Variants in DMRT1 observed in about 807,000 individuals in gnomAD.
The protein encoded by DMRT1 is doublesex and mab-3 related transcription factor 1.
DMRT1 carries 7 observed loss-of-function variants against 32.3 expected under a neutral mutation model. The observed-to-expected ratio is 0.22, with a 90% CI of 0.12 to 0.41. DMRT1 has a LOEUF of 0.41. Ranked by LOEUF, DMRT1 falls within the 10% of genes least tolerant of loss-of-function variation. The pLI is 1.00. For synonymous variants in DMRT1, 278 were observed against 206.1 expected (o/e 1.35, Z -2.99); for missense variants, 625 against 500.5 (o/e 1.25, Z -2.37).
At chr9:949,083 A>G (rs935044956) in intron 4 of DMRT1, among the ~76,000 whole-genome samples, 3 of 151,694 alleles carry the variant, frequency 2.0e-5, no homozygotes, top group Non-Finnish European at 4.4e-5. Context: ...ACAGAGTGAG[A>G]CTCCATCTTA....
intron 1 of DMRT1, among the ~76,000 whole-genome samples, chr9:845,301 C>G (rs1003217624): frequency 3.9e-5 from 6 of 152,098 alleles, no homozygotes; most frequent in Non-Finnish European, 5.9e-5. Flanking sequence ...CCTCCACCTC[C>G]TGGCTTCAAG....
intron 2 of DMRT1, among the ~76,000 whole-genome samples, chr9:878,730 C>T (rs1000649760): frequency 6.6e-6 from 1 of 152,056 alleles, no homozygotes; most frequent in African/African-American, 2.4e-5. Flanking sequence ...ACGTTATGGC[C>T]GTGTTGTGAT....
At chr9:847,878 C>T (rs1838972710) in intron 2 of DMRT1, among the ~76,000 whole-genome samples, 1 of 152,156 alleles carries the variant, frequency 6.6e-6, no homozygotes, top group South Asian at 2.1e-4. Context: ...CATTCGGTTT[C>T]TTCATTACAC....
chr9:938,009 G>A (rs1482505162), intron 4 of DMRT1, among the ~76,000 whole-genome samples: 5 of 151,866 alleles, frequency 3.3e-5, no homozygotes, highest in Non-Finnish European at 7.4e-5. Flanking sequence ...TTAATTTTAA[G>A]TTGATTTTTG....
rs969259274 is a variant in DMRT1 at position 965,328 on chromosome 9, A to G, written c.968-2657A>G. ...TTTAAATTTTGAGTGGAGAAACACT[A>G]TAAACAATACGGCTGTTTTTCAAAA... On this transcript the variant is annotated intron_variant, in intron 4 of 4. Coordinates refer to ENST00000382276, the MANE Select transcript of DMRT1 (RefSeq NM_021951.3). The surrounding 1 kb of genome is among the most constrained non-coding windows in gnomAD (Gnocchi z 4.5). Among the ~76,000 whole-genome samples, 1 of 152,356 alleles carries G rather than the reference A, an allele frequency of 6.6e-6. No homozygotes were observed. The highest frequency in any genetic ancestry group is 1.9e-4 in the East Asian group (1 of 5,184).
At chr9:895,680 G>A (rs922637027) in intron 3 of DMRT1, among the ~76,000 whole-genome samples, 1 of 151,884 alleles carries the variant, frequency 6.6e-6, no homozygotes, top group Non-Finnish European at 1.5e-5. Context: ...ATTTTTATGT[G>A]TGTGGTTGAT....
In DMRT1 at chr9:896,422, G is replaced by A. The variant is rs1411185659; in HGVS notation, c.822+2227G>A. On this transcript the variant is annotated intron_variant, in intron 3 of 4. Transcript: ENST00000382276. ...GCCTCCTGAGTAGCTGGGATTATAG[G>A]CACGCACCACCACTCCTCGCTAATC... 4.0e-5 allele frequency among the ~76,000 whole-genome samples: 6 copies of A among 151,308 alleles called. No individual in the cohort carries two copies. In the East Asian group the frequency reaches 9.8e-4, roughly 25 times the overall value.
chr9:904,531 G>A (rs1817698667), intron 3 of DMRT1, among the ~76,000 whole-genome samples: 1 of 152,196 alleles, frequency 6.6e-6, no homozygotes, highest in African/African-American at 2.4e-5. Context: ...CAGAGTATGC[G>A]TTAGAGACTC....
At chr9:942,252 C>A (rs1255022395) in intron 4 of DMRT1, among the ~76,000 whole-genome samples, 1 of 152,068 alleles carries the variant, frequency 6.6e-6, no homozygotes, top group East Asian at 1.9e-4. Context: ...ATGTGTCTTT[C>A]TTTAAAGAGA....
At chr9:905,364 T>A (rs939962764) in intron 3 of DMRT1, among the ~76,000 whole-genome samples, 1 of 152,106 alleles carries the variant, frequency 6.6e-6, no homozygotes, top group Non-Finnish European at 1.5e-5. Flanking sequence ...TTCTGGCAAG[T>A]CCCAGTTCTA....
chr9:936,962 C>T (rs1818907767), intron 4 of DMRT1, among the ~76,000 whole-genome samples: 1 of 152,032 alleles, frequency 6.6e-6, no homozygotes, highest in Non-Finnish European at 1.5e-5. Context: ...TTTATCATTC[C>T]AAACAGAAAC....
Position 967,966 on chromosome 9 carries a change from C to G in DMRT1, c.968-19C>G, listed in dbSNP as rs757116462. On this transcript the variant is annotated intron_variant, in intron 4 of 4. Transcript: ENST00000382276. ...TCCCTTTCTCCCTTTCTCTCTTTCT[C>G]TCTCACCTCACTTCGCAGTATTCTC... The G allele has an allele frequency of 2.9e-5, 47 of 1,612,668 alleles. No individual in the cohort carries two copies. The East Asian group carries it at 1.0e-3, about 36-fold the overall frequency.
At chr9:845,206 T>C (rs1273334919) in intron 1 of DMRT1, among the ~76,000 whole-genome samples, 1 of 151,792 alleles carries the variant, frequency 6.6e-6, no homozygotes, top group East Asian at 1.9e-4. Flanking sequence ...TTCAATCTTA[T>C]TATTTATTTA....
At chr9:844,621 A>G (rs1363562889) in intron 1 of DMRT1, among the ~76,000 whole-genome samples, 2 of 151,802 alleles carry the variant, frequency 1.3e-5, no homozygotes, top group South Asian at 2.1e-4. Context: ...TTTTTTGGCT[A>G]TGAGGAAAAT....
At chr9:856,658 A>G (rs7034335) in intron 2 of DMRT1, among the ~76,000 whole-genome samples, 64,431 of 152,032 alleles carry the variant, frequency 0.42, 13,834 homozygotes, top group East Asian at 0.59. Flanking sequence ...CATCTGGGTT[A>G]CTTATGGGTT....
intron 2 of DMRT1, among the ~76,000 whole-genome samples, chr9:855,394 A>T (rs903185207): frequency 6.6e-6 from 1 of 152,212 alleles, no homozygotes; most frequent in Non-Finnish European, 1.5e-5. Context: ...GTGAAAATCT[A>T]ATCTTTAAGG....
intron 4 of DMRT1, among the ~76,000 whole-genome samples, chr9:961,830 A>C (rs991332211): frequency 1.3e-5 from 2 of 152,242 alleles, no homozygotes; most frequent in Non-Finnish European, 2.9e-5. Context: ...CAGAGGAATT[A>C]AGGAAACTAA....
At chr9:856,047 G>C (rs975140538) in intron 2 of DMRT1, among the ~76,000 whole-genome samples, 3 of 152,228 alleles carry the variant, frequency 2.0e-5, no homozygotes, top group South Asian at 4.1e-4. Flanking sequence ...CTTCTGAGCA[G>C]CTGGGATTAC....
At chr9:932,134 G>A (rs1281154089) in intron 4 of DMRT1, among the ~76,000 whole-genome samples, 1 of 152,130 alleles carries the variant, frequency 6.6e-6, no homozygotes, top group Non-Finnish European at 1.5e-5. Context: ...TTTCCAGATT[G>A]TTGCTCTTCT....
Sources: gnomAD v4.1 joint callset for allele counts (sites outside exome capture counted in the v4.1 genomes callset) on GRCh38, gnomAD v4.1.1 for gene constraint, Gnocchi (gnomAD v3.1) non-coding constraint, MANE v1.5 for transcripts, NCBI Gene and HGNC (gene_info 2026-07-23, HGNC 2026-07-21) for gene names.